The following CELF2 variants were observed in gnomAD, a reference collection of about 807,000 sequenced individuals.
CELF2 encodes the protein CUGBP Elav-like family member 2.
CELF2 carries 8 observed loss-of-function variants against 62.6 expected under a neutral mutation model. The ratio of observed to expected loss-of-function variants is 0.13; its 90% CI spans 0.07 to 0.23. The LOEUF is 0.23. Ranked by LOEUF, CELF2 falls within the 10% of genes least tolerant of loss-of-function variation. The probability of loss-of-function intolerance (pLI) is 1.00; values close to 1 mark genes in which losing one functional copy is unlikely to be tolerated. For synonymous variants in CELF2, 258 were observed against 250.0 expected (o/e 1.03, Z -0.30); for missense variants, 333 against 671.0 (o/e 0.50, Z 5.56).
At chr10:10,891,682 G>A (rs1188610980) in intron 1 of CELF2, among the ~76,000 whole-genome samples, 1 of 152,166 alleles carries the variant, frequency 6.6e-6, no homozygotes, top group East Asian at 1.9e-4. Flanking sequence ...ACTCGATGCG[G>A]CTGCTTCGCT....
At chr10:11,094,551 C>T (rs1454287800) in intron 1 of CELF2, among the ~76,000 whole-genome samples, 1 of 152,122 alleles carries the variant, frequency 6.6e-6, no homozygotes, top group Non-Finnish European at 1.5e-5. Context: ...GCTTCCATAG[C>T]AACCAGCTTT....
Position 11,032,146 on chromosome 10 carries a change from C to CAAAAAAAAAAA in CELF2, c.74+13998_74+14008dup, listed in dbSNP as rs56364371. Among the ~76,000 whole-genome samples, 288 of 86,354 alleles carry CAAAAAAAAAAA rather than the reference C, an allele frequency of 3.3e-3. 14 individuals are homozygous for CAAAAAAAAAAA. The highest frequency in any genetic ancestry group is 0.011 in the African/African-American group (267 of 24,950). 56.7% of individuals were successfully genotyped at this position (86,354 alleles called of 152,430 possible). ...CTCCCAGCTCCACATAGGGCTTAGC[C>CAAAAAAAAAAA]AAAAAAAAAAAAAAAAAAAAAAAAA... On this transcript the variant is annotated intron_variant, in intron 1 of 12. Transcript: ENST00000633077.
intron 1 of CELF2, among the ~76,000 whole-genome samples, chr10:11,141,553 G>T (rs1483887703): frequency 6.6e-6 from 1 of 152,216 alleles, no homozygotes; most frequent in African/African-American, 2.4e-5. Flanking sequence ...TTTTTCTGGG[G>T]GAGCCAAGTG....
the CELF2 span, among the ~76,000 whole-genome samples, chr10:10,492,232 C>G: frequency 3.3e-5 from 5 of 152,292 alleles, no homozygotes; most frequent in South Asian, 1.0e-3. Context: ...ATCTCTAATC[C>G]GTTTGCACAA....
At chr10:10,946,980 T>C (rs1212031444) in intron 2 of CELF2, 1 of 152,238 alleles carries the variant, frequency 6.6e-6, no homozygotes, top group African/African-American at 2.4e-5. Flanking sequence ...AATCTCTGCC[T>C]GTGAGGAGTT....
chr10:11,185,186 T>C (rs962067094), intron 2 of CELF2, among the ~76,000 whole-genome samples: 1 of 152,128 alleles, frequency 6.6e-6, no homozygotes, highest in African/African-American at 2.4e-5. Flanking sequence ...TTTTGTGTGT[T>C]TTTTTTAAGA....
chr10:11,131,118 G>T (rs1284705303), intron 1 of CELF2, among the ~76,000 whole-genome samples: 1 of 152,214 alleles, frequency 6.6e-6, no homozygotes, highest in East Asian at 1.9e-4. Flanking sequence ...ACACCTCAAA[G>T]TTTGAATATT....
intron 1 of CELF2, among the ~76,000 whole-genome samples, chr10:11,131,060 A>G (rs774788886): frequency 2.6e-5 from 4 of 152,382 alleles, no homozygotes; most frequent in Non-Finnish European, 4.4e-5. Flanking sequence ...AATAAATTTG[A>G]ATCACTTGTA....
chr10:10,924,723 G>GTTTTTTTTTTT (rs751311320), intron 2 of CELF2, among the ~76,000 whole-genome samples: 1 of 24,510 alleles, frequency 4.1e-5, no homozygotes, highest in African/African-American at 2.5e-4. Context: ...TAACTTGATC[G>GTTTTTTTTTTT]CTTTTTTTTT....
chr10:11,007,513 A>G (rs1004209664), intron 1 of CELF2, among the ~76,000 whole-genome samples: 27 of 152,234 alleles, frequency 1.8e-4, no homozygotes, highest in African/African-American at 6.3e-4. Context: ...TATGTGCAGC[A>G]TAATCATATT....
At chr10:10,856,995 G>A (rs544723807) in intron 1 of CELF2, among the ~76,000 whole-genome samples, 3 of 152,146 alleles carry the variant, frequency 2.0e-5, no homozygotes, top group African/African-American at 7.2e-5. Context: ...TTAGAGAAAG[G>A]AAATAAATGA....
At chr10:10,674,040 G>T in the CELF2 span, among the ~76,000 whole-genome samples, 2 of 152,314 alleles carry the variant, frequency 1.3e-5, no homozygotes, top group South Asian at 4.1e-4. Flanking sequence ...ATTATATCCA[G>T]TTGATTGACA....
chr10:10,678,433 C>G, the CELF2 span, among the ~76,000 whole-genome samples: 1 of 152,084 alleles, frequency 6.6e-6, no homozygotes, highest in Non-Finnish European at 1.5e-5. Context: ...TCTTTGCTAC[C>G]TGAAAGATGA....
At chr10:10,728,943 G>A in the CELF2 span, among the ~76,000 whole-genome samples, 1 of 152,130 alleles carries the variant, frequency 6.6e-6, no homozygotes, top group Non-Finnish European at 1.5e-5. Context: ...CTGAACATAT[G>A]TTGCTCATAA....
chr10:11,277,913 A>G (rs2086746295), intron 8 of CELF2, among the ~76,000 whole-genome samples: 2 of 152,202 alleles, frequency 1.3e-5, no homozygotes, highest in Non-Finnish European at 2.9e-5. Context: ...GATATATATA[A>G]AATGATCTCT....
At chr10:11,317,989 A>G (rs937223350) in intron 10 of CELF2, 1 of 152,238 alleles carries the variant, frequency 6.6e-6, no homozygotes, top group Non-Finnish European at 1.5e-5. Flanking sequence ...GAAAAGCCCT[A>G]TTCTTTTAAG....
intron 1 of CELF2, among the ~76,000 whole-genome samples, chr10:10,875,745 T>C (rs994164373): frequency 2.0e-5 from 3 of 152,192 alleles, no homozygotes; most frequent in Non-Finnish European, 2.9e-5. Flanking sequence ...CAGTATGTTA[T>C]TTAAAAGGAA....
chr10:10,476,970 A>C, the CELF2 span, among the ~76,000 whole-genome samples: 1 of 152,180 alleles, frequency 6.6e-6, no homozygotes, highest in Non-Finnish European at 1.5e-5. Flanking sequence ...AGGACCGACA[A>C]TGTAATTGAA....
the CELF2 span, among the ~76,000 whole-genome samples, chr10:10,661,236 C>T: frequency 6.6e-5 from 10 of 152,320 alleles, no homozygotes; most frequent in South Asian, 2.1e-4. Flanking sequence ...TACTCGTCTA[C>T]GGTAGACTTC....
Sources: gnomAD v4.1 joint callset for allele counts (sites outside exome capture counted in the v4.1 genomes callset) on GRCh38, gnomAD v4.1.1 for gene constraint, MANE v1.5 for transcripts, NCBI Gene and HGNC (gene_info 2026-07-23, HGNC 2026-07-21) for gene names.